Variants in OLA1 observed in about 807,000 individuals in gnomAD.
The protein encoded by OLA1 is obg-like ATPase 1.
Under a neutral mutation model 48.4 loss-of-function variants are expected in OLA1, and 14 were observed. The observed-to-expected ratio is 0.29, with a 90% CI of 0.19 to 0.45. The LOEUF (loss-of-function observed/expected upper bound fraction) is 0.45, where lower values mean the gene tolerates loss of function less well. Among genes scored for constraint, OLA1 ranks in the 20% least tolerant of loss-of-function variants. The pLI, the probability that OLA1 is intolerant of heterozygous loss-of-function variation, is 1.00. For synonymous variants in OLA1, 127 were observed against 150.4 expected (o/e 0.84, Z 1.14); for missense variants, 325 against 467.1 (o/e 0.70, Z 2.80).
intron 1 of OLA1, 26 bp from the exon 2 acceptor site, chr2:174,246,841 A>G (rs1283942430): frequency 6.8e-7 from 1 of 1,474,670 alleles, no homozygotes; most frequent in Non-Finnish European, 9.4e-7. Context: ...AAACATATGA[A>G]CAAAACTTTT....
At chr2:174,168,380 T>A (rs1240542191) in intron 4 of OLA1, among the ~76,000 whole-genome samples, 12 of 108,450 alleles carry the variant, frequency 1.1e-4, no homozygotes, top group African/African-American at 4.5e-4. Flanking sequence ...TGTCTACTAA[T>A]ACAAAACCAA....
At position 174,226,193 on chromosome 2, in the gene OLA1, C is replaced by T. The variant is rs1316324926; in HGVS notation, c.246-3033G>A. ...CAGCCTGGGCGACAGAGCGAGACTC[C>T]GTCTCAAAAAAAAAAAAAAAAAAAG... On this transcript the variant is annotated intron_variant, in intron 3 of 10. Coordinates refer to ENST00000284719, the MANE Select transcript of OLA1 (RefSeq NM_013341.5). Among the ~76,000 whole-genome samples the T allele has an allele frequency of 4.2e-5, 6 of 143,070 alleles. 2 individuals carry two copies. Among genetic ancestry groups the T allele is most frequent in the Non-Finnish European group, 7.6e-5 (5 of 66,112 alleles). 93.9% of individuals were successfully genotyped at this position (143,070 alleles called of 152,430 possible).
rs560379314 is a variant in OLA1 at position 174,126,308 on chromosome 2, T to C, written c.550-2633A>G. Among the ~76,000 whole-genome samples, 9 of 152,130 alleles carry C rather than the reference T, an allele frequency of 5.9e-5. No individual in the cohort carries two copies. The South Asian group carries it at 1.9e-3, about 32-fold the overall frequency. On this transcript the variant is annotated intron_variant, in intron 5 of 10. Coordinates refer to ENST00000284719, the MANE Select transcript of OLA1 (RefSeq NM_013341.5). The stretch of plus-strand genomic sequence containing the variant: ...TAACGATGATTAGAACAATAAAAGG[T>C]TCCAGTTAACTGAGCTTGGTTAACT...
intron 4 of OLA1, among the ~76,000 whole-genome samples, chr2:174,210,585 A>G (rs548398321): frequency 2.5e-4 from 38 of 152,194 alleles, no homozygotes; most frequent in Non-Finnish European, 5.0e-4. Context: ...ATAACTTTAT[A>G]TGTACTATAG....
chr2:174,237,408 C>CT (rs932187427), intron 2 of OLA1, among the ~76,000 whole-genome samples: 30 of 146,536 alleles, frequency 2.0e-4, no homozygotes, highest in South Asian at 4.3e-4. Flanking sequence ...TTTACAGTTA[C>CT]TTTTTTTTTT....
chr2:174,080,500 T>C (rs773630921), intron 9 of OLA1, among the ~76,000 whole-genome samples: 13 of 152,134 alleles, frequency 8.5e-5, no homozygotes, highest in Non-Finnish European at 1.9e-4. Context: ...GTTCAGTTTC[T>C]ATTGTCCTCT....
At chr2:174,117,909 T>A (rs2105364142) in intron 7 of OLA1, among the ~76,000 whole-genome samples, 1 of 152,256 alleles carries the variant, frequency 6.6e-6, no homozygotes, top group East Asian at 1.9e-4. Context: ...CCTGTATTAG[T>A]CCATTCTCAC....
intron 3 of OLA1, among the ~76,000 whole-genome samples, chr2:174,224,441 C>A (rs1371597): frequency 0.49 from 75,055 of 151,892 alleles, 19,318 homozygotes; most frequent in East Asian, 0.99. Flanking sequence ...GAAAGTAAAA[C>A]AATTCTAGGA....
chr2:174,239,661 T>C (rs1291219803), intron 2 of OLA1, among the ~76,000 whole-genome samples: 1 of 143,486 alleles, frequency 7.0e-6, no homozygotes, highest in Non-Finnish European at 1.5e-5. Flanking sequence ...GAGGATCACT[T>C]GAGGCCAGGA....
chr2:174,076,860 C>G (rs999008034), intron 10 of OLA1, among the ~76,000 whole-genome samples: 3 of 151,584 alleles, frequency 2.0e-5, no homozygotes, highest in African/African-American at 7.2e-5. Context: ...TTTATAAAGA[C>G]ATGCAATGTA....
chr2:174,247,523 A>G, intron 1 of OLA1: 1 of 1,256,070 alleles, frequency 8.0e-7, no homozygotes, highest in Non-Finnish European at 1.1e-6. Context: ...TTTGGAAGCA[A>G]GTACACAGAA....
chr2:174,218,329 T>A (rs1688412148), intron 4 of OLA1, among the ~76,000 whole-genome samples: 1 of 152,124 alleles, frequency 6.6e-6, no homozygotes, highest in Non-Finnish European at 1.5e-5. Context: ...AAGCAGACAT[T>A]CATTTGTACT....
chr2:174,095,346 T>G (rs887424768), intron 7 of OLA1, among the ~76,000 whole-genome samples: 1 of 121,216 alleles, frequency 8.2e-6, no homozygotes, highest in Non-Finnish European at 1.8e-5. Context: ...TTTTTTTTTT[T>G]TTTGTTGTTG....
intron 4 of OLA1, among the ~76,000 whole-genome samples, chr2:174,213,922 A>G (rs1355027222): frequency 1.3e-5 from 2 of 152,122 alleles, no homozygotes; most frequent in African/African-American, 2.4e-5. Context: ...ATTAAGTAGC[A>G]AATTTTATGT....
intron 3 of OLA1, among the ~76,000 whole-genome samples, chr2:174,223,687 C>T (rs1179754849): frequency 1.3e-5 from 2 of 149,450 alleles, no homozygotes; most frequent in East Asian, 3.9e-4. Context: ...TTCAAGATCA[C>T]TCAGCCAGCA....
chr2:174,167,432 T>A (rs147241636), intron 4 of OLA1, among the ~76,000 whole-genome samples: 1,702 of 152,204 alleles, frequency 0.011, 25 homozygotes, highest in South Asian at 0.06. Context: ...AAAAATTAGC[T>A]GGGCATGGTG....
At chr2:174,079,356 G>C (rs1684813843) in intron 9 of OLA1, 1 of 261,270 alleles carries the variant, frequency 3.8e-6, no homozygotes, top group African/African-American at 2.2e-5. Context: ...CAGTGGTCTG[G>C]TTTTGGTGTA....
At chr2:174,161,315 G>C (rs566184608) in intron 4 of OLA1, among the ~76,000 whole-genome samples, 8 of 151,968 alleles carry the variant, frequency 5.3e-5, no homozygotes, top group African/African-American at 1.9e-4. Flanking sequence ...AACTTATATA[G>C]GCCTACTTAT....
intron 4 of OLA1, among the ~76,000 whole-genome samples, chr2:174,162,828 G>T (rs531088580): frequency 6.6e-6 from 1 of 152,300 alleles, no homozygotes; most frequent in Admixed American, 6.5e-5. Flanking sequence ...CGGATCGCTT[G>T]AGTACAGGAG....
Sources: allele counts gnomAD v4.1 joint callset (sites outside exome capture counted in the v4.1 genomes callset), GRCh38; gene constraint gnomAD v4.1.1; transcripts MANE v1.5; gene names NCBI Gene and HGNC (gene_info 2026-07-23, HGNC 2026-07-21).